The following SCARB2 variants were observed in gnomAD, a reference collection of about 807,000 sequenced individuals.
SCARB2 encodes scavenger receptor class B member 2, also known as lysosome membrane protein 2.
SCARB2 carries 29 observed loss-of-function variants against 58.6 expected under a neutral mutation model. That is an observed-to-expected ratio of 0.49 (90% CI 0.37 to 0.67). The LOEUF (loss-of-function observed/expected upper bound fraction) is 0.67, where lower values mean the gene tolerates loss of function less well. Ranked by LOEUF, SCARB2 falls within the 30% of genes least tolerant of loss-of-function variation. The pLI is 0.00. For missense variants in SCARB2, 488 were observed against 578.5 expected, an observed-to-expected ratio of 0.84 and a Z score of 1.60; for synonymous variants, 195 against 210.1, an observed-to-expected ratio of 0.93 and a Z score of 0.62.
intron 2 of SCARB2, among the ~76,000 whole-genome samples, chr4:76,189,092 C>T (rs887646019): frequency 2.6e-5 from 4 of 152,162 alleles, no homozygotes; most frequent in Admixed American, 1.3e-4. Context: ...TGAATTTAAA[C>T]CACAGTTGAA....
intron 7 of SCARB2, among the ~76,000 whole-genome samples, chr4:76,170,277 T>C (rs1395388876): frequency 6.6e-6 from 1 of 152,198 alleles, no homozygotes; most frequent in Non-Finnish European, 1.5e-5. Flanking sequence ...AAGTGCTTCA[T>C]ACACATTATT....
chr4:76,203,503 T>A (rs1181936599), intron 1 of SCARB2, among the ~76,000 whole-genome samples: 1 of 152,244 alleles, frequency 6.6e-6, no homozygotes, highest in African/African-American at 2.4e-5. Flanking sequence ...TGAACTTGCA[T>A]TTCTTGAATT....
At chr4:76,220,614 T>A (rs574225282) in intron 1 of SCARB2, among the ~76,000 whole-genome samples, 4 of 152,330 alleles carry the variant, frequency 2.6e-5, no homozygotes, top group African/African-American at 9.6e-5. Flanking sequence ...CAGAGCTAGA[T>A]CCTGTCTCTT....
At chr4:76,216,745 G>A (rs1171387230), upstream of SCARB2, among the ~76,000 whole-genome samples, 2 of 152,176 alleles carry the variant, frequency 1.3e-5, no homozygotes, top group Non-Finnish European at 2.9e-5. Flanking sequence ...CTCTGGACAA[G>A]CCGAATGAAA....
At chr4:76,214,131 G>A (rs1337951986), upstream of SCARB2, 4 of 436,124 alleles carry the variant, frequency 9.2e-6, no homozygotes, top group East Asian at 7.0e-5. Flanking sequence ...ATAGGTCTGA[G>A]GGCCTCCCAT....
At chr4:76,228,260 A>T (rs992922473) in intron 1 of SCARB2, among the ~76,000 whole-genome samples, 1 of 152,002 alleles carries the variant, frequency 6.6e-6, no homozygotes, top group Non-Finnish European at 1.5e-5. Flanking sequence ...GGTGCAGATC[A>T]TTTGAGATCA....
At position 76,228,230 on chromosome 4, in the gene SCARB2, C is replaced by A. The variant is rs757996495; in HGVS notation, c.-358+6073G>T. On this transcript the variant is annotated intron_variant, in intron 1 of 11. Transcript: ENST00000638295. ...CAGTGGCTCACACCTGTAATCCCAG[C>A]ACTTGGGGAGGCTGAGGGGGGTGCA... Among the ~76,000 whole-genome samples the A allele has an allele frequency of 4.9e-4, 75 of 152,142 alleles. 1 individual carries two copies. Among genetic ancestry groups the A allele is most frequent in the Middle Eastern group, 3.4e-3 (1 of 294 alleles).
At chr4:76,192,407 T>C (rs1732624541) in intron 2 of SCARB2, 1 of 152,212 alleles carries the variant, frequency 6.6e-6, no homozygotes, top group Non-Finnish European at 1.5e-5. Flanking sequence ...TTGGCTGCAT[T>C]GTGTTCACAC....
At position 76,189,307 on chromosome 4, in the gene SCARB2, C is replaced by T. The variant is rs1732551830; in HGVS notation, c.275+6400G>A. ...TTCTCATGCTGCTAATAAGGACATA[C>T]CTGAGACTGAGTCATTTATAAAGGA... On this transcript the variant is annotated intron_variant, in intron 2 of 11. Coordinates refer to ENST00000264896, the MANE Select transcript of SCARB2 (RefSeq NM_005506.4). Among the ~76,000 whole-genome samples, 4 of 152,196 alleles carry T rather than the reference C, an allele frequency of 2.6e-5. No individual in the cohort carries two copies. In the South Asian group the frequency reaches 8.3e-4, roughly 32 times the overall value.
intron 6 of SCARB2, among the ~76,000 whole-genome samples, 175 bp downstream of exon 6, chr4:76,175,616 G>A (rs952946170): frequency 1.3e-5 from 2 of 152,216 alleles, no homozygotes; most frequent in Non-Finnish European, 2.9e-5. Flanking sequence ...ACAGTCAGAA[G>A]TCTGTGCTGT....
upstream of SCARB2, among the ~76,000 whole-genome samples, chr4:76,215,197 T>C (rs969962669): frequency 4.6e-5 from 7 of 151,984 alleles, no homozygotes; most frequent in African/African-American, 1.7e-4. Context: ...TGGTCAGTTA[T>C]GCTATCTACA....
intron 9 of SCARB2, 156 bp from the exon 10 acceptor site, chr4:76,166,457 CA>C: frequency 2.7e-6 from 2 of 752,712 alleles, no homozygotes; most frequent in Admixed American, 4.1e-5. Flanking sequence ...ACATGTACCC[CA>C]AAAGTTAGAT....
rs1732093128 is a variant in SCARB2, at chr4:76,169,885, T to C, written c.1095A>G (p.Thr365=). 2.5e-6 allele frequency: 4 copies of C among 1,613,128 alleles called. No homozygotes were observed. In the East Asian group the frequency reaches 8.9e-5, roughly 36 times the overall value. ...TACTCACAGGATTAATGTCCACAAA[T>C]GTCTCATGGTCTTCCTGATTTGGGT... ...GMHPNQEDHE[T]FVDINPLTGI... Residue 365 remains threonine, a synonymous_variant, in exon 8 of 12, where the codon ACA becomes ACG. Coordinates refer to ENST00000264896, the MANE Select transcript of SCARB2 (RefSeq NM_005506.4).
intron 3 of SCARB2, chr4:76,180,108 G>A (rs555384127): frequency 1.7e-5 from 5 of 288,118 alleles, no homozygotes; most frequent in African/African-American, 1.1e-4. Flanking sequence ...TACTGTCTAG[G>A]TCCTGGGTCC....
At chr4:76,182,765 C>G (rs182049814) in intron 2 of SCARB2, among the ~76,000 whole-genome samples, 2 of 152,266 alleles carry the variant, frequency 1.3e-5, no homozygotes, top group African/African-American at 2.4e-5. Flanking sequence ...GAAACTGGTA[C>G]GTAAAAATGC....
In SCARB2 at chr4:76,213,605, G is replaced by A; in HGVS notation, c.-62C>T. Reference sequence around the variant, plus strand: ...CGCCAGGGATCCAACTGCAAGGAGGGAGGAGCCGCCGCAGAGGCGTCGAAG... The same window carrying A: ...CGCCAGGGATCCAACTGCAAGGAGGAAGGAGCCGCCGCAGAGGCGTCGAAG... On this transcript the variant is annotated 5_prime_UTR_variant, in exon 1 of 12. Transcript: ENST00000264896. 1 of 1,391,026 alleles carries A rather than the reference G, an allele frequency of 7.2e-7. No homozygotes were observed. The highest frequency in any genetic ancestry group is 1.2e-5 in the South Asian group (1 of 84,822). 86.2% of individuals were successfully genotyped at this position (1,391,026 alleles called of 1,614,324 possible). A position where few individuals can be genotyped will look rare whatever the true frequency, so the allele number is the denominator to read the frequency against.
chr4:76,163,472 T>C, intron 10 of SCARB2, 89 bp from the exon 11 acceptor site: 3 of 1,451,526 alleles, frequency 2.1e-6, no homozygotes, highest in Non-Finnish European at 1.9e-6. Flanking sequence ...TTAATACAAT[T>C]TGGGAATGTC....
At chr4:76,226,107 G>A (rs55902443) in intron 1 of SCARB2, among the ~76,000 whole-genome samples, 97,991 of 151,776 alleles carry the variant, frequency 0.65, 33,611 homozygotes, top group Non-Finnish European at 0.78. Context: ...GAAGTCCGAC[G>A]GAGTCAAAGG....
chr4:76,218,357 A>G (rs7685696), upstream of SCARB2, among the ~76,000 whole-genome samples: 61,987 of 152,112 alleles, frequency 0.41, 14,356 homozygotes, highest in East Asian at 0.94. Context: ...CCATCATTCC[A>G]AAGTTCTTAC....
Sources: allele counts gnomAD v4.1 joint callset (sites outside exome capture counted in the v4.1 genomes callset), GRCh38; gene constraint gnomAD v4.1.1; transcripts MANE v1.5; gene names NCBI Gene and HGNC (gene_info 2026-07-23, HGNC 2026-07-21).